The following SMYD4 variants were observed in gnomAD, a reference collection of about 807,000 sequenced individuals.
SMYD4 encodes SET and MYND domain containing 4, also known as protein-lysine N-methyltransferase SMYD4.
SMYD4 carries 68 observed loss-of-function variants against 72.8 expected under a neutral mutation model. That is an observed-to-expected ratio of 0.93 (90% CI 0.77 to 1.14). The LOEUF is 1.14. Ranked by LOEUF, SMYD4 falls within the 50% of genes most tolerant of loss-of-function variation. SMYD4 has a pLI of 0.00. For missense variants in SMYD4, 984 were observed against 1,003.7 expected, an observed-to-expected ratio of 0.98 and a Z score of 0.27; for synonymous variants, 407 against 388.6, an observed-to-expected ratio of 1.05 and a Z score of -0.56.
In SMYD4 at chr17:1,783,435, C is replaced by G; in HGVS notation, c.2062G>C (p.Glu688Gln). ...QRLSGCQRDA[E>Q]SFLWAEHAVV... ...GCGTGCTCTGCCCACAGGAAGCTCT[C>G]GGCGTCACGCTGGCACCCCGACAGC... Residue 688 changes from glutamate (E) to glutamine (Q), a missense_variant, in exon 9 of 11, where the codon GAG (glutamate) becomes CAG (glutamine). Coordinates refer to ENST00000305513, the MANE Select transcript of SMYD4 (RefSeq NM_052928.3). 2 of 1,612,464 alleles carry G rather than the reference C, an allele frequency of 1.2e-6. No individual in the cohort carries two copies. Among genetic ancestry groups the G allele is most frequent in the Non-Finnish European group, 1.7e-6 (2 of 1,179,800 alleles).
chr17:1,800,518 C>A lies in SMYD4; in HGVS notation c.876G>T (p.Gly292=). ...TCAAACATCGGTGACAATAGAGGTC[C>A]CCATTGGTGACTCTGGTGTCCCATT... ...DSKWDTRVTN[G]DLYCHRCLKH... Residue 292 remains glycine, a synonymous_variant, in exon 5 of 11, where the codon GGG becomes GGT. Transcript: ENST00000305513. 1.9e-6 allele frequency: 3 copies of A among 1,614,148 alleles called. No homozygotes were observed. The highest frequency in any genetic ancestry group is 2.5e-6 in the Non-Finnish European group (3 of 1,180,016).
chr17:1,803,797 C>T (rs1441370542), intron 4 of SMYD4, among the ~76,000 whole-genome samples: 1 of 151,950 alleles, frequency 6.6e-6, no homozygotes, highest in African/African-American at 2.4e-5. Context: ...CCATGCCTGG[C>T]CCCATAGCTC....
At chr17:1,807,603 TC>T (rs1910110819) in intron 3 of SMYD4, among the ~76,000 whole-genome samples, 1 of 152,052 alleles carries the variant, frequency 6.6e-6, no homozygotes, top group South Asian at 2.1e-4. Context: ...CCTCAGGTGA[TC>T]CACCTGCCTC....
At position 1,799,955 on chromosome 17, in the gene SMYD4, T is replaced by C. The variant is rs763264823; in HGVS notation, c.1439A>G (p.Glu480Gly). ...CCAAATAGTCACGTCAGGACACAAT[T>C]CAGGTGTCACTGCTGCTTTAAGCTG... The part of the protein sequence containing the change: ...SSQLKAAVTP[E>G]LCPDVTIWGV... The change falls in exon 5 of 11, where the codon GAA (glutamate) becomes GGA (glycine). Residue 480 changes from glutamate to glycine, a missense_variant. Glu to Gly is a moderately conservative substitution (Grantham distance 98). Transcript: ENST00000305513. The C allele has an allele frequency of 6.2e-7, 1 of 1,614,140 alleles. No homozygotes were observed. The highest frequency in any genetic ancestry group is 1.7e-5 in the Admixed American group (1 of 60,010).
chr17:1,788,718 G>C (rs1908839804), intron 5 of SMYD4, among the ~76,000 whole-genome samples: 3 of 151,658 alleles, frequency 2.0e-5, no homozygotes, highest in South Asian at 4.2e-4. Context: ...CTCCAGCCTA[G>C]ACAACAAGAG....
chr17:1,813,809 GAACT>G (rs978868141), intron 2 of SMYD4, among the ~76,000 whole-genome samples: 1 of 129,676 alleles, frequency 7.7e-6, no homozygotes, highest in African/African-American at 2.5e-5. Flanking sequence ...TAATAAAGCT[GAACT>G]AATACATAAA....
At chr17:1,798,594 C>T (rs1489573728) in intron 5 of SMYD4, among the ~76,000 whole-genome samples, 1 of 151,964 alleles carries the variant, frequency 6.6e-6, no homozygotes, top group Non-Finnish European at 1.5e-5. Context: ...AAGTCCTCAT[C>T]TCTATTAAAA....
chr17:1,822,148 C>G (rs1430486234), intron 2 of SMYD4, among the ~76,000 whole-genome samples: 2 of 151,754 alleles, frequency 1.3e-5, no homozygotes, highest in Non-Finnish European at 2.9e-5. Flanking sequence ...GCAAGATAAT[C>G]ACTTGAACCT....
rs1474723952 is a variant in SMYD4, at chr17:1,811,484, A to C, written c.279+487T>G. On this transcript the variant is annotated intron_variant, in intron 3 of 10. Coordinates refer to ENST00000305513, the MANE Select transcript of SMYD4 (RefSeq NM_052928.3). The stretch of plus-strand genomic sequence containing the variant: ...GGGTGTGAACCACTGTGCTGGGCCT[A>C]AAAACTACCTTTTGTTTCAGACTAT... Among the ~76,000 whole-genome samples, 4 of 152,328 alleles carry C rather than the reference A, an allele frequency of 2.6e-5. No homozygotes were observed. The East Asian group carries it at 7.7e-4, about 29-fold the overall frequency.
In SMYD4 at chr17:1,799,971, C is replaced by G. The variant is rs760345863; in HGVS notation, c.1423G>C (p.Ala475Pro). ...GGACACAATTCAGGTGTCACTGCTG[C>G]TTTAAGCTGAGAGGAGTTCACAATC... ...ERIVNSSQLK[A>P]AVTPELCPDV... Residue 475 changes from alanine to proline, a missense_variant, in exon 5 of 11, where the codon GCA becomes CCA. Transcript: ENST00000305513. 1.9e-6 allele frequency: 3 copies of G among 1,614,140 alleles called. No individual in the cohort carries two copies. In the Admixed American group the frequency reaches 5.0e-5, roughly 27 times the overall value.
chr17:1,781,675 CTTT>C (rs887814604), intron 10 of SMYD4: 348 of 184,066 alleles, frequency 1.9e-3, no homozygotes, highest in South Asian at 4.9e-3. Flanking sequence ...AATCTCAAAG[CTTT>C]TTTTTTTTTT....
intron 5 of SMYD4, among the ~76,000 whole-genome samples, chr17:1,796,688 G>T (rs1349541287): frequency 1.3e-5 from 2 of 152,020 alleles, no homozygotes; most frequent in African/African-American, 4.8e-5. Flanking sequence ...GCCCGCCTCG[G>T]CCTCCCAAAG....
intron 5 of SMYD4, among the ~76,000 whole-genome samples, chr17:1,790,989 T>C (rs1908991861): frequency 6.7e-6 from 1 of 150,010 alleles, no homozygotes; most frequent in South Asian, 2.1e-4. Flanking sequence ...TAGCCGGGCA[T>C]GGTGGTGGGC....
intron 8 of SMYD4, chr17:1,783,681 G>T: frequency 3.6e-6 from 3 of 835,528 alleles, no homozygotes; most frequent in Non-Finnish European, 5.4e-6. Context: ...AGGCGCTAGG[G>T]GAGGCCTCCC....
chr17:1,783,250 G>A (rs1184340697), intron 9 of SMYD4, 92 bp from the exon 10 acceptor site: 3 of 1,610,428 alleles, frequency 1.9e-6, no homozygotes, highest in East Asian at 4.5e-5. Context: ...GAGAGGGGGA[G>A]CACCCTCAGT....
chr17:1,803,678 T>C (rs1909885650), intron 4 of SMYD4, among the ~76,000 whole-genome samples: 1 of 152,010 alleles, frequency 6.6e-6, no homozygotes, highest in African/African-American at 2.4e-5. Context: ...TTTGTATTTT[T>C]AGTAGAGACG....
At chr17:1,782,967 A>C in intron 10 of SMYD4, 68 bp downstream of exon 10, 1 of 1,552,840 alleles carries the variant, frequency 6.4e-7, no homozygotes, top group Non-Finnish European at 8.7e-7. Context: ...ACCATAGAAA[A>C]AAAGTAATAC....
chr17:1,794,069 G>A (rs1374500582), intron 5 of SMYD4, among the ~76,000 whole-genome samples: 3 of 67,954 alleles, frequency 4.4e-5, no homozygotes, highest in East Asian at 3.2e-4. Context: ...ATATATATGT[G>A]TATATATATG....
chr17:1,795,482 AC>A (rs1350259868), intron 5 of SMYD4, among the ~76,000 whole-genome samples: 7 of 151,726 alleles, frequency 4.6e-5, no homozygotes, highest in African/African-American at 1.7e-4. Flanking sequence ...TTGCTGTGTC[AC>A]CCTGGCTGGA....
Sources: allele counts gnomAD v4.1 joint callset (sites outside exome capture counted in the v4.1 genomes callset), GRCh38; gene constraint gnomAD v4.1.1; transcripts MANE v1.5; gene names NCBI Gene and HGNC (gene_info 2026-07-23, HGNC 2026-07-21).